The following PLEKHG1 variants were observed in gnomAD, a reference collection of about 807,000 sequenced individuals.
PLEKHG1 encodes the protein pleckstrin homology domain-containing family G member 1.
PLEKHG1 carries 44 observed loss-of-function variants against 100.8 expected under a neutral mutation model. The ratio of observed to expected loss-of-function variants is 0.44; its 90% confidence interval spans 0.34 to 0.56. PLEKHG1 has a LOEUF of 0.56. PLEKHG1 is among the 20% of genes least tolerant of loss of function. The pLI is 0.01. For missense variants in PLEKHG1, 1,545 were observed against 1,720.9 expected, an observed-to-expected ratio of 0.90 and a Z score of 1.81; for synonymous variants, 640 against 662.5, an observed-to-expected ratio of 0.97 and a Z score of 0.52.
At chr6:150,792,675 A>G (rs1256847620) in intron 4 of PLEKHG1, among the ~76,000 whole-genome samples, 3 of 88,086 alleles carry the variant, frequency 3.4e-5, no homozygotes, top group African/African-American at 6.8e-5. Context: ...CTCCATCTCA[A>G]AACAACAACA....
chr6:150,843,557 C>G (rs1777622505), exon 16 of PLEKHG1: 1 of 145,702 alleles, frequency 6.9e-6, no homozygotes, highest in African/African-American at 2.5e-5. Context: ...CTGCTCTATT[C>G]TTTGTGGGGA....
intron 2 of PLEKHG1, among the ~76,000 whole-genome samples, chr6:150,743,305 G>A (rs1431376728): frequency 6.6e-6 from 1 of 152,126 alleles, no homozygotes; most frequent in East Asian, 1.9e-4. Context: ...CAGGTCATTT[G>A]AGGTCAGGAG....
intron 1 of PLEKHG1, among the ~76,000 whole-genome samples, chr6:150,634,029 A>T (rs1363548958): frequency 6.6e-6 from 1 of 151,744 alleles, no homozygotes; most frequent in East Asian, 1.9e-4. Flanking sequence ...ATCACCTGAG[A>T]TCAGGAGTTG....
At position 150,771,415 on chromosome 6, in the gene PLEKHG1, TTGAA is replaced by T. The variant is rs112737006; in HGVS notation, c.512+2702_512+2705del. The stretch of plus-strand genomic sequence containing the variant: ...CTGGGCAACAGAGTGAGACTCCATC[TTGAA>T]TGAATGAATGAATGAATGAATGAAC... On this transcript the variant is annotated intron_variant, in intron 3 of 15. Transcript: ENST00000358517. Among the ~76,000 whole-genome samples, 589 of 151,820 alleles carry T rather than the reference TTGAA, an allele frequency of 3.9e-3. 4 individuals are homozygous for T. Among genetic ancestry groups the T allele is most frequent in the African/African-American group, 0.012 (499 of 41,438 alleles).
rs79645260 is a variant in PLEKHG1 at position 150,831,730 on chromosome 6, C to T, written c.2619C>T (p.His873=). 1.2e-3 allele frequency: 1,951 copies of T among 1,613,432 alleles called. 18 individuals carry two copies. In the African/African-American group the frequency reaches 0.019, roughly 16 times the overall value. ...AGGATGATGTGCCAGACAGGCTGCA[C>T]GCAGAGAGCACCCCTGAGCTGAGCC... The change falls in exon 15 of 16, where the codon CAC becomes CAT. Residue 873 remains histidine (H), a synonymous_variant. Coordinates refer to ENST00000358517, the Ensembl canonical transcript of PLEKHG1. This position sits in a 1 kb window ranked among gnomAD's most constrained non-coding sequence, Gnocchi z 4.1.
At chr6:150,626,098 A>G (rs1440079873) in intron 1 of PLEKHG1, 1 of 143,064 alleles carries the variant, frequency 7.0e-6, no homozygotes, top group Non-Finnish European at 1.5e-5. Flanking sequence ...TGATGAAAAA[A>G]CTGCAAAGGC....
intron 1 of PLEKHG1, among the ~76,000 whole-genome samples, chr6:150,723,066 A>G (rs1038516568): frequency 3.3e-5 from 5 of 152,220 alleles, no homozygotes; most frequent in Non-Finnish European, 7.3e-5. Flanking sequence ...TTAGAGGGCC[A>G]CTGCTTGTGC....
intron 3 of PLEKHG1, among the ~76,000 whole-genome samples, chr6:150,776,873 A>G (rs1192285817): frequency 2.0e-5 from 3 of 151,356 alleles, no homozygotes; most frequent in Non-Finnish European, 2.9e-5. Flanking sequence ...ATCCTGGTGC[A>G]CATGTGTGGT....
At chr6:150,655,681 C>T (rs1414626692) in intron 3 of PLEKHG1, among the ~76,000 whole-genome samples, 3 of 131,044 alleles carry the variant, frequency 2.3e-5, no homozygotes, top group Non-Finnish European at 4.6e-5. Context: ...GCACTCCAGC[C>T]TGGGTGACAG....
chr6:150,636,815 T>TA, intron 1 of PLEKHG1, among the ~76,000 whole-genome samples: 1 of 152,372 alleles, frequency 6.6e-6, no homozygotes, highest in East Asian at 1.9e-4. Context: ...AAATCAAATA[T>TA]AAAAAACTTA....
rs535987424 is a variant in PLEKHG1, at chr6:150,828,407, C to T, written c.1471-2175C>T. On this transcript the variant is annotated intron_variant, in intron 14 of 15. Coordinates refer to ENST00000358517, the Ensembl canonical transcript of PLEKHG1. Reference sequence around the variant, plus strand: ...TGAGGCTACAGCTGCTATCCCATGCCGAACTTTCTTGTGACAAATTGTCTG... The same window carrying T: ...TGAGGCTACAGCTGCTATCCCATGCTGAACTTTCTTGTGACAAATTGTCTG... The T allele has an allele frequency of 5.6e-5, 88 of 1,562,016 alleles. No homozygotes were observed. The African/African-American group carries it at 7.6e-4, about 14-fold the overall frequency.
chr6:150,606,005 C>T (rs1776584900), intron 1 of PLEKHG1, among the ~76,000 whole-genome samples: 1 of 152,158 alleles, frequency 6.6e-6, no homozygotes, highest in Non-Finnish European at 1.5e-5. Context: ...AATTTCTTTC[C>T]TCTGTTTCTT....
At chr6:150,806,223 CTTTTT>C (rs58040509) in intron 7 of PLEKHG1, among the ~76,000 whole-genome samples, 2,732 of 89,880 alleles carry the variant, frequency 0.03, 65 homozygotes, top group South Asian at 0.13. Context: ...TTCCAGGCTG[CTTTTT>C]TTTTTTTTTT....
At chr6:150,709,344 A>G (rs558831703) in intron 3 of PLEKHG1, among the ~76,000 whole-genome samples, 1 of 152,292 alleles carries the variant, frequency 6.6e-6, no homozygotes, top group East Asian at 1.9e-4. Flanking sequence ...CAAAAAACAA[A>G]AACGGAATTA....
At chr6:150,812,713 C>T (rs1328252115) in intron 10 of PLEKHG1, among the ~76,000 whole-genome samples, 1 of 152,066 alleles carries the variant, frequency 6.6e-6, no homozygotes, top group East Asian at 1.9e-4. Flanking sequence ...AGTCCATGAG[C>T]AGATGGCAGG....
rs565058406 is a variant in PLEKHG1, at chr6:150,737,577, C to A, written c.411+3485C>A. On this transcript the variant is annotated intron_variant, in intron 2 of 15. Transcript: ENST00000358517. ...AAAGTGCTGGGATTACAGGCGTGAG[C>A]CACCGCGCCCGGCCTGGGTATTCTT... is the stretch of plus-strand genomic sequence containing the variant. 2.0e-5 allele frequency among the ~76,000 whole-genome samples: 3 copies of A among 152,310 alleles called. No individual in the cohort carries two copies. In the East Asian group the frequency reaches 5.8e-4, roughly 29 times the overall value.
chr6:150,769,735 AAACT>A lies in PLEKHG1; in HGVS notation c.512+1005_512+1008del, dbSNP rs563780103. Among the ~76,000 whole-genome samples the A allele has an allele frequency of 5.7e-3, 872 of 152,298 alleles. 6 individuals are homozygous for A. The highest frequency in any genetic ancestry group is 0.014 in the Middle Eastern group (4 of 294). On this transcript the variant is annotated intron_variant, in intron 3 of 15. Coordinates refer to ENST00000358517, the Ensembl canonical transcript of PLEKHG1. ...GTTGAGTGAATCTTTAAATGGAATGAAACTAACTAACCCCTGTATGTCAAGTCTT... is the reference window on the plus strand; with the variant it reads ...GTTGAGTGAATCTTTAAATGGAATGAAACTAACCCCTGTATGTCAAGTCTT...
chr6:150,816,326 CTTTTTTT>C (rs1173343082), intron 10 of PLEKHG1, among the ~76,000 whole-genome samples: 61 of 41,118 alleles, frequency 1.5e-3, no homozygotes, highest in Non-Finnish European at 1.9e-3. Flanking sequence ...CTCAAACATA[CTTTTTTT>C]TTTTTTTTTT....
At position 150,832,500 on chromosome 6, in the gene PLEKHG1, G is replaced by C. The variant is rs1018432113; in HGVS notation, c.3094+295G>C. 2.0e-4 allele frequency among the ~76,000 whole-genome samples: 30 copies of C among 152,006 alleles called. 1 individual carries two copies. The highest frequency in any genetic ancestry group is 6.3e-3 in the Middle Eastern group (2 of 316). On this transcript the variant is annotated intron_variant, in intron 15 of 15. Coordinates refer to ENST00000358517, the Ensembl canonical transcript of PLEKHG1. ...TAAGGTGATCTGAAGTATGAAAAACGCAATCAGTTTTAACCTGTGCTATCT... is the reference window on the plus strand; with the variant it reads ...TAAGGTGATCTGAAGTATGAAAAACCCAATCAGTTTTAACCTGTGCTATCT...
Sources: gnomAD v4.1 joint callset for allele counts (sites outside exome capture counted in the v4.1 genomes callset) on GRCh38, gnomAD v4.1.1 for gene constraint, Gnocchi (gnomAD v3.1) non-coding constraint, MANE v1.5 for transcripts, NCBI Gene and HGNC (gene_info 2026-07-23, HGNC 2026-07-21) for gene names.